Variants in ABCA7 observed in about 807,000 individuals in gnomAD.
ABCA7 encodes the protein ATP binding cassette subfamily A member 7.
ABCA7 carries 261 observed loss-of-function variants against 227.6 expected under a neutral mutation model. The observed-to-expected ratio is 1.15, with a 90% CI of 1.04 to 1.27. ABCA7 has a LOEUF of 1.27. ABCA7 is among the 50% of genes most tolerant of loss of function. The pLI is 0.00. For missense variants in ABCA7, 3,331 were observed against 2,924.5 expected (o/e 1.14, Z -3.21); for synonymous variants, 1,488 against 1,279.7 (o/e 1.16, Z -3.47).
At chr19:1,059,132 C>T (rs1216826958) in intron 40 of ABCA7, 47 bp downstream of exon 40, 2 of 1,586,308 alleles carry the variant, frequency 1.3e-6, no homozygotes, top group South Asian at 1.1e-5. Context: ...GAGTGGCTGC[C>T]CTACTGCATG....
chr19:1,047,805 C>T, intron 16 of ABCA7, 151 bp downstream of exon 16: 1 of 876,052 alleles, frequency 1.1e-6, no homozygotes, highest in Non-Finnish European at 1.7e-6. Context: ...ATGCAGGTGG[C>T]TGCATTGGAG....
In ABCA7 at chr19:1,061,853, G is replaced by A. The variant is rs778260870; in HGVS notation, c.5535G>A (p.Leu1845=). The change falls in exon 41 of 47, where the codon TTG becomes TTA. Residue 1845 remains leucine (L), a synonymous_variant. Coordinates refer to ENST00000263094, the MANE Select transcript of ABCA7 (RefSeq NM_019112.4). ...TTCGCATGGTGACGGGGGACACATT[G>A]GCCAGCAGGGGCGAGGCTGTGCTGG... ...STFRMVTGDT[L]ASRGEAVLAG... 5.0e-6 allele frequency: 8 copies of A among 1,602,792 alleles called. No individual in the cohort carries two copies. Among genetic ancestry groups the A allele is most frequent in the Non-Finnish European group, 6.8e-6 (8 of 1,176,028 alleles).
rs746985721 is a variant in ABCA7, at chr19:1,065,132, C to G, written c.6246C>G (p.Gly2082=). ...TGGCGGTGCACGGCGCAGAGCACGG[C>G]GTGGAGGACTTTTCCGTGAGCCAGA... ...GELAVHGAEH[G]VEDFSVSQTM... Residue 2082 remains glycine (G), a synonymous_variant, in exon 46 of 47, where the codon GGC becomes GGG. Transcript: ENST00000263094. 1.3e-6 allele frequency: 2 copies of G among 1,590,186 alleles called. No individual in the cohort carries two copies. Among genetic ancestry groups the G allele is most frequent in the Non-Finnish European group, 1.7e-6 (2 of 1,166,562 alleles).
chr19:1,063,934 A>G, intron 44 of ABCA7, 71 bp downstream of exon 44: 3 of 1,457,620 alleles, frequency 2.1e-6, no homozygotes, highest in Non-Finnish European at 2.7e-6. Flanking sequence ...CCCAAAGCAC[A>G]AGGCCACAGG....
chr19:1,052,861 C>A lies in ABCA7; in HGVS notation c.3221-468C>A, dbSNP rs149636572. The stretch of plus-strand genomic sequence containing the variant: ...GGCTGAGCCCAGAGACAAACCTACC[C>A]CTGACCTCCAACACTAGGTCCAGCA... On this transcript the variant is annotated intron_variant, in intron 23 of 46. Transcript: ENST00000263094. Among the ~76,000 whole-genome samples, 15 of 152,074 alleles carry A rather than the reference C, an allele frequency of 9.9e-5. No homozygotes were observed. In the East Asian group the frequency reaches 2.9e-3, roughly 29 times the overall value.
chr19:1,053,419 C>A lies in ABCA7; in HGVS notation c.3311C>A (p.Pro1104His). 1 of 1,607,634 alleles carries A rather than the reference C, an allele frequency of 6.2e-7. No homozygotes were observed. ...ELPHELVLVL[P>H]YTGAHDGSFA... Reference sequence around the variant, plus strand: ...CCACACGAGCTGGTGCTGGTGCTGCCCTACACGGGTGCCCATGACGGCAGC... The same window carrying A: ...CCACACGAGCTGGTGCTGGTGCTGCACTACACGGGTGCCCATGACGGCAGC... The change falls in exon 24 of 47, where the codon CCC (proline) becomes CAC (histidine). Residue 1104 changes from proline (P) to histidine (H), a missense_variant. By Grantham distance (77) the Pro-to-His change is moderately conservative (BLOSUM62 -2). Coordinates refer to ENST00000263094, the MANE Select transcript of ABCA7 (RefSeq NM_019112.4).
chr19:1,062,132 A>G, intron 41 of ABCA7, 40 bp from the exon 42 acceptor site: 1 of 1,605,542 alleles, frequency 6.2e-7, no homozygotes, highest in African/African-American at 1.3e-5. Context: ...ATGGTCAGGG[A>G]CTAGCCAGCT....
rs374595976 is a variant in ABCA7 at position 1,058,269 on chromosome 19, G to T, written c.5149G>T (p.Gly1717Ter). The change falls in exon 37 of 47, where the codon GGA becomes TGA. Residue 1717 changes from glycine to a stop codon, truncating the protein, a stop_gained and splice_region_variant. Coordinates refer to ENST00000263094, the MANE Select transcript of ABCA7 (RefSeq NM_019112.4). LOFTEE classifies it high-confidence loss of function. ...QAMADAFERL[G>*]DRQFQSPLRW... ...CATGGCTGATGCCTTTGAGCGCTTG[G>T]GTGAGAACTTCCTGTCAGGTGGGGC... is the stretch of plus-strand genomic sequence containing the variant. The T allele has an allele frequency of 1.9e-6, 3 of 1,612,884 alleles. No individual in the cohort carries two copies. The highest frequency in any genetic ancestry group is 1.3e-5 in the African/African-American group (1 of 74,686).
At chr19:1,057,129 C>A in intron 34 of ABCA7, 45 bp downstream of exon 34, 1 of 1,590,850 alleles carries the variant, frequency 6.3e-7, no homozygotes, top group South Asian at 1.1e-5. Context: ...CACTGCTTGC[C>A]ACTGCCCTGT....
In ABCA7 at chr19:1,046,927, C is replaced by T; in HGVS notation, c.1748C>T (p.Ala583Val). 6.4e-7 allele frequency: 1 copy of T among 1,560,806 alleles called. No individual in the cohort carries two copies. The highest frequency in any genetic ancestry group is 8.6e-7 in the Non-Finnish European group (1 of 1,162,022). Reference sequence around the variant, plus strand: ...ACGCGGCTGCGGGACACCATGCGCGCCATGGGGCTCAGCCGCGCGGTGCTC... The same window carrying T: ...ACGCGGCTGCGGGACACCATGCGCGTCATGGGGCTCAGCCGCGCGGTGCTC... The part of the protein sequence containing the change: ...KETRLRDTMR[A>V]MGLSRAVLWL... The change falls in exon 14 of 47, where the codon GCC becomes GTC. Residue 583 changes from alanine (A) to valine (V), a missense_variant. Transcript: ENST00000263094.
intron 42 of ABCA7, 64 bp downstream of exon 42, chr19:1,062,377 T>C (rs894327793): frequency 4.4e-6 from 7 of 1,574,278 alleles, no homozygotes; most frequent in Non-Finnish European, 6.0e-6. Context: ...GCCGTGCCTC[T>C]AAAGCCTGGC....
In ABCA7 at chr19:1,057,388, TGCCAA is replaced by T. The variant is rs1269928215; in HGVS notation, c.4840_4844del (p.Ala1614ProfsTer55). On this transcript the variant is annotated frameshift_variant, in exon 35 of 47. Transcript: ENST00000263094. LOFTEE classifies it high-confidence loss of function. ...TCCAGCAGAGGGCATATGTGGCCCCTGCCAACCTGCCTGCTCTCCTGCTGTTGCTA... is the reference window on the plus strand; with the variant it reads ...TCCAGCAGAGGGCATATGTGGCCCCTCCTGCCTGCTCTCCTGCTGTTGCTA... 6.2e-7 allele frequency: 1 copy of T among 1,613,822 alleles called. No individual in the cohort carries two copies. Among genetic ancestry groups the T allele is most frequent in the Non-Finnish European group, 8.5e-7 (1 of 1,180,028 alleles).
chr19:1,062,217 C>T lies in ABCA7; in HGVS notation c.5616C>T (p.Cys1872=). 6.2e-7 allele frequency: 1 copy of T among 1,612,446 alleles called. No individual in the cohort carries two copies. The highest frequency in any genetic ancestry group is 8.5e-7 in the Non-Finnish European group (1 of 1,179,810). Residue 1872 remains cysteine (C), a synonymous_variant, in exon 42 of 47, where the codon TGC becomes TGT. Transcript: ENST00000263094. ...PSAAHLSMGY[C]PQSDAIFELL... is the part of the protein sequence containing the mutation. ...CTGCGCACCTCAGCATGGGATACTGCCCTCAATCCGATGCCATCTTTGAGC... is the reference window on the plus strand; with the variant it reads ...CTGCGCACCTCAGCATGGGATACTGTCCTCAATCCGATGCCATCTTTGAGC...
chr19:1,054,577 T>TCTCTTTGTGG lies in ABCA7; in HGVS notation c.3734_3735insCTCTTTGTGG (p.Pro1246SerfsTer43). 6.2e-7 allele frequency: 1 copy of TCTCTTTGTGG among 1,610,118 alleles called. No individual in the cohort carries two copies. The highest frequency in any genetic ancestry group is 1.1e-5 in the South Asian group (1 of 91,012). On this transcript the variant is annotated frameshift_variant, in exon 28 of 47. Transcript: ENST00000263094. LOFTEE classifies it high-confidence loss of function. This position sits in a 1 kb window ranked among gnomAD's most constrained non-coding sequence, Gnocchi z 4.8. The stretch of plus-strand genomic sequence containing the variant: ...GATGGGCTGGTCCCCCAGATCGTGC[T>TCTCTTTGTGG]GCCTGCCCTCTTTGTGGGCCTGGCC...
At position 1,062,388 on chromosome 19, in the gene ABCA7, C is replaced by G. The variant is rs1275677027; in HGVS notation, c.5712+75C>G. 3 of 1,563,884 alleles carry G rather than the reference C, an allele frequency of 1.9e-6. No individual in the cohort carries two copies. The African/African-American group carries it at 4.0e-5, about 21-fold the overall frequency. Reference sequence around the variant, plus strand: ...CCAGGCCGTGCCTCTAAAGCCTGGCCCAATCCCGCACTCTCTCGCCTTGGC... The same window carrying G: ...CCAGGCCGTGCCTCTAAAGCCTGGCGCAATCCCGCACTCTCTCGCCTTGGC... On this transcript the variant is annotated intron_variant, in intron 42 of 46. Transcript: ENST00000263094.
At chr19:1,053,646 C>T in intron 24 of ABCA7, 115 bp downstream of exon 24, 1 of 1,507,316 alleles carries the variant, frequency 6.6e-7, no homozygotes, top group Non-Finnish European at 9.0e-7. Context: ...AGGGAGGAGG[C>T]ATGGCACATG....
chr19:1,062,402 T>C lies in ABCA7; in HGVS notation c.5712+89T>C, dbSNP rs1003840655. The stretch of plus-strand genomic sequence containing the variant: ...TAAAGCCTGGCCCAATCCCGCACTC[T>C]CTCGCCTTGGCTCCATCCCTGTCCC... On this transcript the variant is annotated intron_variant, in intron 42 of 46. Coordinates refer to ENST00000263094, the MANE Select transcript of ABCA7 (RefSeq NM_019112.4). The C allele has an allele frequency of 2.6e-6, 4 of 1,543,134 alleles. No homozygotes were observed. In the African/African-American group the frequency reaches 4.1e-5, roughly 16 times the overall value.
chr19:1,054,844 C>G lies in ABCA7; in HGVS notation c.3916C>G (p.Leu1306Val). Reference sequence around the variant, plus strand: ...CGAGGCGCTGCTGCAGGAGGCAGGACTGGAGGAGCCCCCAGTGCAGCATAG... The same window carrying G: ...CGAGGCGCTGCTGCAGGAGGCAGGAGTGGAGGAGCCCCCAGTGCAGCATAG... Reference protein sequence around the residue: ...LLEALLQEAGLEEPPVQHSSH... With the variant: ...LLEALLQEAGVEEPPVQHSSH... Residue 1306 changes from leucine (L) to valine (V), a missense_variant, in exon 29 of 47, where the codon CTG becomes GTG. Physicochemically the swap from Leu to Val is conservative, Grantham distance 32 (BLOSUM62 1). Transcript: ENST00000263094. The surrounding 1 kb of genome is among the most constrained non-coding windows in gnomAD (Gnocchi z 4.8). 1 of 1,565,988 alleles carries G rather than the reference C, an allele frequency of 6.4e-7. No homozygotes were observed. The highest frequency in any genetic ancestry group is 8.6e-7 in the Non-Finnish European group (1 of 1,156,100).
chr19:1,042,576 G>A (rs2144680056), intron 6 of ABCA7, 170 bp from the exon 7 acceptor site: 1 of 1,015,120 alleles, frequency 9.9e-7, no homozygotes, highest in Non-Finnish European at 1.5e-6. Context: ...ACCCAGTGAG[G>A]AAGACTCGTC....
Sources: gnomAD v4.1 joint callset for allele counts (sites outside exome capture counted in the v4.1 genomes callset) on GRCh38, gnomAD v4.1.1 for gene constraint, Gnocchi (gnomAD v3.1) non-coding constraint, MANE v1.5 for transcripts, NCBI Gene and HGNC (gene_info 2026-07-23, HGNC 2026-07-21) for gene names.